RAB3GAP2: variants seen among roughly 807,000 people sequenced by gnomAD.
RAB3GAP2 encodes the protein RAB3 GTPase activating non-catalytic protein subunit 2.
RAB3GAP2 carries 87 observed loss-of-function variants against 185.3 expected under a neutral mutation model. The ratio of observed to expected loss-of-function variants is 0.47; its 90% CI spans 0.39 to 0.56. The LOEUF (loss-of-function observed/expected upper bound fraction) is 0.56. Among genes scored for constraint, RAB3GAP2 ranks in the 20% least tolerant of loss-of-function variants. The pLI, the probability that RAB3GAP2 is intolerant of heterozygous loss-of-function variation, is 0.00. For missense variants in RAB3GAP2, 1,492 were observed against 1,638.2 expected (o/e 0.91, Z 1.54); for synonymous variants, 554 against 576.1 (o/e 0.96, Z 0.55).
intron 1 of RAB3GAP2, among the ~76,000 whole-genome samples, chr1:220,257,309 C>T (rs1660049328): frequency 1.3e-5 from 2 of 151,264 alleles, no homozygotes; most frequent in Admixed American, 6.6e-5. Context: ...ACCTGGGAGG[C>T]GGAGGTTGCA....
At position 220,272,332 on chromosome 1, in the gene RAB3GAP2, G is replaced by A. The variant is rs759522863; in HGVS notation, c.6C>T (p.Ala2=). 17 of 1,607,576 alleles carry A rather than the reference G, an allele frequency of 1.1e-5. No individual in the cohort carries two copies. The highest frequency in any genetic ancestry group is 5.6e-5 in the South Asian group (5 of 89,760). Reference sequence around the variant, plus strand: ...AGTAGCAGAACTGGACAATGGAGCAGGCCATGGCTCCAGGGAACCCCACTA... The same window carrying A: ...AGTAGCAGAACTGGACAATGGAGCAAGCCATGGCTCCAGGGAACCCCACTA... M[A]CSIVQFCYFQ... The change falls in exon 1 of 35, where the codon GCC becomes GCT. Residue 2 remains alanine, a synonymous_variant. Transcript: ENST00000358951.
Position 220,151,731 on chromosome 1 carries a change from C to A in RAB3GAP2, c.3901G>T (p.Ala1301Ser). 6.2e-7 allele frequency: 1 copy of A among 1,612,050 alleles called. No homozygotes were observed. The highest frequency in any genetic ancestry group is 8.5e-7 in the Non-Finnish European group (1 of 1,178,126). The change falls in exon 34 of 35, where the codon GCC (alanine) becomes TCC (serine). Residue 1301 changes from alanine to serine, a missense_variant. Coordinates refer to ENST00000358951, the MANE Select transcript of RAB3GAP2 (RefSeq NM_012414.4). The stretch of plus-strand genomic sequence containing the variant: ...CCCGTGAGCACCAGCAGCTGAGAGG[C>A]AAGGACCTCTTTGTCATGAACCTGT... ...ILQVHDKEVL[A>S]SQLLVLTGQR...
chr1:220,197,945 T>C (rs1177122588), intron 9 of RAB3GAP2, among the ~76,000 whole-genome samples: 4 of 152,162 alleles, frequency 2.6e-5, no homozygotes, highest in African/African-American at 7.2e-5. Context: ...ATTTCAAGCT[T>C]ACCACACTTA....
At chr1:220,248,160 A>G (rs961823107) in intron 1 of RAB3GAP2, among the ~76,000 whole-genome samples, 1 of 152,198 alleles carries the variant, frequency 6.6e-6, no homozygotes, top group Non-Finnish European at 1.5e-5. Context: ...CTAGATAAAT[A>G]CTGTATGATC....
At chr1:220,163,744 CATAT>C (rs373160821) in intron 27 of RAB3GAP2, among the ~76,000 whole-genome samples, 6,955 of 122,970 alleles carry the variant, frequency 0.057, 299 homozygotes, top group Middle Eastern at 0.096. Flanking sequence ...TAAATACATA[CATAT>C]ATATATATAT....
chr1:220,169,275 T>G (rs1348869244), intron 24 of RAB3GAP2, among the ~76,000 whole-genome samples: 1 of 152,208 alleles, frequency 6.6e-6, no homozygotes, highest in Non-Finnish European at 1.5e-5. Context: ...CTAAAAGAGC[T>G]GCTGATAAAA....
chr1:220,187,466 A>C (rs987431637), intron 17 of RAB3GAP2, among the ~76,000 whole-genome samples: 1 of 152,186 alleles, frequency 6.6e-6, no homozygotes, highest in Non-Finnish European at 1.5e-5. Flanking sequence ...CTTCAGAATA[A>C]GGGGGTGGTT....
chr1:220,266,456 T>C (rs1660227857), intron 1 of RAB3GAP2: 2 of 494,824 alleles, frequency 4.0e-6, no homozygotes, highest in Non-Finnish European at 7.4e-6. Context: ...CAGTCGAACC[T>C]TGCCTCCAGA....
Position 220,195,092 on chromosome 1 carries a change from G to A in RAB3GAP2, c.1116C>T (p.Thr372=). ...GACAGACTTGCCTTACAGCTAATGGGGTAGCTGGCTCAACCTTCGGCTTTT... is the reference window on the plus strand; with the variant it reads ...GACAGACTTGCCTTACAGCTAATGGAGTAGCTGGCTCAACCTTCGGCTTTT... ...QKQKPKVEPA[T]PLAVRFGLPD... The change falls in exon 12 of 35, where the codon ACC becomes ACT. Residue 372 remains threonine, a synonymous_variant. Transcript: ENST00000358951. 6.2e-7 allele frequency: 1 copy of A among 1,614,034 alleles called. No homozygotes were observed. Among genetic ancestry groups the A allele is most frequent in the Non-Finnish European group, 8.5e-7 (1 of 1,179,950 alleles).
At chr1:220,254,611 A>C in intron 1 of RAB3GAP2, 1 of 1,178,550 alleles carries the variant, frequency 8.5e-7, no homozygotes, top group East Asian at 2.4e-5. Context: ...TCTCTTGTAC[A>C]AACAATGTGC....
chr1:220,272,287 G>C lies in RAB3GAP2; in HGVS notation c.51C>G (p.Ala17=). Residue 17 remains alanine (A), a synonymous_variant, in exon 1 of 35, where the codon GCC becomes GCG. Transcript: ENST00000358951. ...GCAGGTGAGGAAAGAGGAAGTCCCGGGCGGCCTGGAGGTCCTGGAAGTAGC... is the reference window on the plus strand; with the variant it reads ...GCAGGTGAGGAAAGAGGAAGTCCCGCGCGGCCTGGAGGTCCTGGAAGTAGC... The part of the protein sequence containing the change: ...QFCYFQDLQA[A]RDFLFPHLRE... 6.2e-7 allele frequency: 1 copy of C among 1,612,554 alleles called. No individual in the cohort carries two copies. The highest frequency in any genetic ancestry group is 2.2e-5 in the East Asian group (1 of 44,796).
chr1:220,267,359 G>A, intron 1 of RAB3GAP2: 4 of 1,174,740 alleles, frequency 3.4e-6, no homozygotes, highest in Non-Finnish European at 3.8e-6. Flanking sequence ...TGTTGGAGGT[G>A]GGACTGTATT....
chr1:220,200,520 A>C, intron 9 of RAB3GAP2: 1 of 520,280 alleles, frequency 1.9e-6, no homozygotes, highest in South Asian at 1.5e-5. Context: ...ATGTACATAC[A>C]ATAACGTTTA....
chr1:220,155,337 T>C (rs1657838863), intron 31 of RAB3GAP2, among the ~76,000 whole-genome samples: 2 of 152,236 alleles, frequency 1.3e-5, no homozygotes, highest in Non-Finnish European at 2.9e-5. Flanking sequence ...TCTGTGATTC[T>C]AGGTCATCTG....
rs566548264 is a variant in RAB3GAP2, at chr1:220,266,858, G to A, written c.115+5365C>T. ...TGAAATGAGGTCCCTGGCTCCCTCT[G>A]TTACAAAGTCAGGGAATGTGAATTC... is the stretch of plus-strand genomic sequence containing the variant. On this transcript the variant is annotated intron_variant, in intron 1 of 34. Transcript: ENST00000358951. The A allele has an allele frequency of 4.2e-4, 670 of 1,596,944 alleles. 2 individuals are homozygous for A. Among genetic ancestry groups the A allele is most frequent in the Non-Finnish European group, 3.1e-4 (367 of 1,165,320 alleles).
chr1:220,163,337 A>G (rs1657998013), intron 27 of RAB3GAP2, among the ~76,000 whole-genome samples: 1 of 152,012 alleles, frequency 6.6e-6, no homozygotes, highest in Admixed American at 6.6e-5. Context: ...ACTTGAAGAA[A>G]TACTAGTCTG....
At position 220,191,269 on chromosome 1, in the gene RAB3GAP2, T is replaced by G. The variant is rs1183188303; in HGVS notation, c.1286A>C (p.Gln429Pro). Residue 429 changes from glutamine to proline, a missense_variant, in exon 14 of 35, where the codon CAA (glutamine) becomes CCA (proline). This residue lies in a region of RAB3GAP2 where 681 missense variants were observed against 689.1 expected (regional missense o/e 0.99). Transcript: ENST00000358951. ...CTCTACAGTTTGAATCCATCCAATT[T>G]GTGCGTCGCGGTACCCTTAGAGACA... is the stretch of plus-strand genomic sequence containing the variant. ...IRMWKGYRDA[Q>P]IGWIQTVEDL... The G allele has an allele frequency of 7.5e-6, 12 of 1,598,086 alleles. No homozygotes were observed. The highest frequency in any genetic ancestry group is 1.0e-5 in the Non-Finnish European group (12 of 1,172,726).
At chr1:220,255,985 T>G (rs995896847) in intron 1 of RAB3GAP2, among the ~76,000 whole-genome samples, 1 of 151,926 alleles carries the variant, frequency 6.6e-6, no homozygotes, top group African/African-American at 2.4e-5. Flanking sequence ...ATCATCAGAT[T>G]CTCCAAGGTC....
At chr1:220,154,728 T>TC (rs1023345820) in intron 31 of RAB3GAP2, among the ~76,000 whole-genome samples, 6 of 150,358 alleles carry the variant, frequency 4.0e-5, no homozygotes, top group East Asian at 2.0e-4. Context: ...ATCCTTTTTT[T>TC]TTTTTTTTTT....
Sources: allele counts gnomAD v4.1 joint callset (sites outside exome capture counted in the v4.1 genomes callset), GRCh38; gene constraint gnomAD v4.1.1; regional missense constraint gnomAD v4.1.1; transcripts MANE v1.5; gene names NCBI Gene and HGNC (gene_info 2026-07-23, HGNC 2026-07-21).